Variants in NTM observed in about 807,000 individuals in gnomAD.
The protein encoded by NTM is IgLON family member 2.
NTM carries 13 observed loss-of-function variants against 42.1 expected under a neutral mutation model. That is an observed-to-expected ratio of 0.31 (90% CI 0.20 to 0.49). NTM has a LOEUF of 0.49. NTM is among the 20% of genes least tolerant of loss of function. The probability of loss-of-function intolerance (pLI) is 0.99; values close to 1 mark genes in which losing one functional copy is unlikely to be tolerated. For missense variants in NTM, 373 were observed against 452.8 expected, an observed-to-expected ratio of 0.82 and a Z score of 1.60; for synonymous variants, 187 against 179.2, an observed-to-expected ratio of 1.04 and a Z score of -0.35.
At chr11:131,581,733 C>T (rs2058429891) in intron 1 of NTM, among the ~76,000 whole-genome samples, 1 of 152,102 alleles carries the variant, frequency 6.6e-6, no homozygotes, top group Non-Finnish European at 1.5e-5. Flanking sequence ...TGCCTGGGCC[C>T]AGGGCAGGAG....
At position 131,982,678 on chromosome 11, in the gene NTM, C is replaced by CT. The variant is rs552500328; in HGVS notation, c.167+71033dup. ...ATTATTGTAATTCTTAAACAGACAA[C>CT]TTTAAAAAGCAGTGATTTAGGTTGT... On this transcript the variant is annotated intron_variant, in intron 2 of 8. Coordinates refer to ENST00000683400, the MANE Select transcript of NTM (RefSeq NM_001352005.2). Among the ~76,000 whole-genome samples, 79 of 152,296 alleles carry CT rather than the reference C, an allele frequency of 5.2e-4. 1 individual carries two copies. In the East Asian group the frequency reaches 0.013, roughly 25 times the overall value.
At chr11:132,330,004 G>C in intron 7 of NTM, 149 bp from the exon 8 acceptor site, 2 of 1,252,514 alleles carry the variant, frequency 1.6e-6, no homozygotes, top group Non-Finnish European at 2.1e-6. Context: ...GGGCTGGGCA[G>C]TGGTCAGGAC....
chr11:131,949,687 G>A (rs186939464), intron 2 of NTM, among the ~76,000 whole-genome samples: 4 of 152,204 alleles, frequency 2.6e-5, no homozygotes, highest in Non-Finnish European at 4.4e-5. Context: ...CCTGAGTCAC[G>A]AAAAATGTCC....
At chr11:131,660,860 G>C (rs1290082835) in intron 1 of NTM, 1 of 1,232,518 alleles carries the variant, frequency 8.1e-7, no homozygotes, top group East Asian at 5.7e-5. Context: ...AAAGTCGGAA[G>C]CTGGCCTTGA....
At chr11:132,308,919 C>T (rs1479845248) in intron 5 of NTM, among the ~76,000 whole-genome samples, 1 of 151,896 alleles carries the variant, frequency 6.6e-6, no homozygotes, top group Non-Finnish European at 1.5e-5. Flanking sequence ...AGGAAAACCT[C>T]AGCACATGAA....
chr11:132,160,733 G>A (rs542713119), intron 3 of NTM, among the ~76,000 whole-genome samples: 29 of 152,322 alleles, frequency 1.9e-4, no homozygotes, highest in African/African-American at 7.0e-4. Context: ...ATGAAGTTTT[G>A]CCCAGCTGAG....
intron 1 of NTM, among the ~76,000 whole-genome samples, chr11:131,792,436 C>T (rs1193173360): frequency 6.6e-6 from 1 of 152,102 alleles, no homozygotes; most frequent in Non-Finnish European, 1.5e-5. Context: ...GGTGGTGACT[C>T]ACCAGCCAAG....
rs1395456195 is a variant in NTM, at chr11:131,716,571, T to TCAC, written c.83-194992_83-194990dup. The stretch of plus-strand genomic sequence containing the variant: ...CAATTCTAATTCTGATAGTGTTATC[T>TCAC]CACTGTGGTTTTAATTTGCATTTCC... On this transcript the variant is annotated intron_variant, in intron 1 of 8. Transcript: ENST00000683400. 4.2e-3 allele frequency among the ~76,000 whole-genome samples: 642 copies of TCAC among 152,332 alleles called. 2 individuals carry two copies. Among genetic ancestry groups the TCAC allele is most frequent in the African/African-American group, 0.015 (612 of 41,576 alleles).
intron 1 of NTM, among the ~76,000 whole-genome samples, chr11:131,803,248 C>T (rs1425352470): frequency 6.6e-6 from 1 of 152,108 alleles, no homozygotes. Flanking sequence ...CCACCTGTTT[C>T]CTTCCCAGAA....
In NTM at chr11:131,490,561, G is replaced by A. The variant is rs185823378; in HGVS notation, c.82+119673G>A. Among the ~76,000 whole-genome samples, 517 of 152,298 alleles carry A rather than the reference G, an allele frequency of 3.4e-3. 7 individuals are homozygous for A. Among genetic ancestry groups the A allele is most frequent in the African/African-American group, 0.012 (493 of 41,572 alleles). On this transcript the variant is annotated intron_variant, in intron 1 of 8. Coordinates refer to ENST00000683400, the MANE Select transcript of NTM (RefSeq NM_001352005.2). ...AGCTGGGTGCGCCTCTGAAGTTGAAGCATCCAGAAAGGCCTTATCTGCTTA... is the reference window on the plus strand; with the variant it reads ...AGCTGGGTGCGCCTCTGAAGTTGAAACATCCAGAAAGGCCTTATCTGCTTA...
At chr11:131,890,722 C>T (rs796717230) in intron 1 of NTM, among the ~76,000 whole-genome samples, 5 of 152,256 alleles carry the variant, frequency 3.3e-5, no homozygotes, top group African/African-American at 1.2e-4. Context: ...TCGTGAAAAG[C>T]TCTTTGGATG....
chr11:132,162,201 GGGAAGA>G (rs199883996), intron 3 of NTM, among the ~76,000 whole-genome samples: 6 of 150,612 alleles, frequency 4.0e-5, no homozygotes, highest in African/African-American at 1.5e-4. Flanking sequence ...GTGTATGTGG[GGGAAGA>G]TGTGTATGTG....
intron 3 of NTM, among the ~76,000 whole-genome samples, chr11:132,149,231 C>CAAAAAAAAAAAAA (rs59485155): frequency 8.1e-6 from 1 of 122,908 alleles, no homozygotes; most frequent in Non-Finnish European, 1.7e-5. Context: ...TCCTGGATTA[C>CAAAAAAAAAAAAA]AAAAAAAAAA....
intron 1 of NTM, among the ~76,000 whole-genome samples, chr11:131,642,046 C>T (rs1455972145): frequency 2.0e-5 from 3 of 152,114 alleles, no homozygotes; most frequent in Non-Finnish European, 4.4e-5. Context: ...GATTTTAAGA[C>T]ATCCAATCTT....
chr11:131,973,102 A>C (rs1282589444), intron 2 of NTM, among the ~76,000 whole-genome samples: 2 of 152,210 alleles, frequency 1.3e-5, no homozygotes, highest in Admixed American at 6.5e-5. Flanking sequence ...CACTTTCCCT[A>C]AAGAGTGTTC....
In NTM at chr11:131,929,207, C is replaced by T. The variant is rs144564281; in HGVS notation, c.167+17559C>T. ...CCCTGGTTAGGGGAAGGCCCTCCTA[C>T]GCAGGCCTTGAGTGAGATCTGATGA... On this transcript the variant is annotated intron_variant, in intron 2 of 8. Coordinates refer to ENST00000683400, the MANE Select transcript of NTM (RefSeq NM_001352005.2). Among the ~76,000 whole-genome samples, 280 of 152,324 alleles carry T rather than the reference C, an allele frequency of 1.8e-3. 1 individual carries two copies. Among genetic ancestry groups the T allele is most frequent in the African/African-American group, 6.4e-3 (266 of 41,580 alleles).
chr11:132,005,249 G>A (rs2070498808), intron 2 of NTM, among the ~76,000 whole-genome samples: 2 of 152,202 alleles, frequency 1.3e-5, no homozygotes, highest in African/African-American at 2.4e-5. Flanking sequence ...CCAGAATTGA[G>A]TAGTTTGGGT....
intron 1 of NTM, among the ~76,000 whole-genome samples, chr11:131,639,987 A>C (rs1411336259): frequency 6.7e-6 from 1 of 150,038 alleles, no homozygotes; most frequent in Non-Finnish European, 1.5e-5. Context: ...ATAATAAAAT[A>C]AAAATAAATA....
intron 1 of NTM, among the ~76,000 whole-genome samples, chr11:131,630,677 A>G (rs991413542): frequency 1.3e-5 from 2 of 152,266 alleles, no homozygotes; most frequent in African/African-American, 4.8e-5. Flanking sequence ...AGGCTCTTTT[A>G]GAAACTTGGA....
Sources: gnomAD v4.1 joint callset for allele counts (sites outside exome capture counted in the v4.1 genomes callset) on GRCh38, gnomAD v4.1.1 for gene constraint, MANE v1.5 for transcripts, NCBI Gene and HGNC (gene_info 2026-07-23, HGNC 2026-07-21) for gene names.